The following KCTD3 variants were observed in gnomAD, a reference collection of about 807,000 sequenced individuals.
KCTD3 encodes the protein BTB/POZ domain-containing protein KCTD3.
A neutral mutation model predicts 85.8 loss-of-function variants in KCTD3; 41 were observed. The ratio of observed to expected loss-of-function variants is 0.48; its 90% CI spans 0.37 to 0.62. The LOEUF (loss-of-function observed/expected upper bound fraction) is 0.62. Ranked by LOEUF, KCTD3 falls within the 20% of genes least tolerant of loss-of-function variation. The pLI, the probability that KCTD3 is intolerant of heterozygous loss-of-function variation, is 0.00. For synonymous variants in KCTD3, 338 were observed against 345.4 expected (o/e 0.98, Z 0.24); for missense variants, 724 against 989.9 (o/e 0.73, Z 3.60).
At chr1:215,619,913 A>G (rs1655598428) in intron 17 of KCTD3, 144 bp from the exon 18 acceptor site, 7 of 521,866 alleles carry the variant, frequency 1.3e-5, no homozygotes, top group Admixed American at 3.8e-5. Context: ...AGAGTACTTG[A>G]TAAGTATATT....
intron 12 of KCTD3, 63 bp from the exon 13 acceptor site, chr1:215,604,069 C>A: frequency 7.8e-7 from 1 of 1,285,586 alleles, no homozygotes; most frequent in Non-Finnish European, 1.1e-6. Context: ...GGAAGCTTTG[C>A]GAGGGTAGCT....
At chr1:215,574,147 C>A in intron 3 of KCTD3, 29 bp downstream of exon 3, 1 of 1,414,234 alleles carries the variant, frequency 7.1e-7, no homozygotes, top group Non-Finnish European at 9.9e-7. Flanking sequence ...GATACATATT[C>A]CTAAATTAAT....
At chr1:215,602,019 A>G (rs984032269) in intron 11 of KCTD3, 65 bp downstream of exon 11, 1 of 1,406,936 alleles carries the variant, frequency 7.1e-7, no homozygotes, top group Non-Finnish European at 1.0e-6. Flanking sequence ...ACAAGAAAAC[A>G]TTACCTTTCA....
At chr1:215,614,018 GTTTTT>G (rs577770912) in intron 15 of KCTD3, among the ~76,000 whole-genome samples, 2 of 66,290 alleles carry the variant, frequency 3.0e-5, no homozygotes, top group African/African-American at 1.3e-4. Context: ...CTTTAGAATA[GTTTTT>G]TTTTTTTTTT....
intron 15 of KCTD3, 31 bp downstream of exon 15, chr1:215,611,952 C>T (rs912443373): frequency 1.5e-6 from 2 of 1,373,002 alleles, no homozygotes; most frequent in Non-Finnish European, 2.1e-6. Context: ...TATTTGTATT[C>T]AGAAGCCACC....
rs539372933 is a variant in KCTD3, at chr1:215,590,484, T to C, written c.817+3799T>C. Among the ~76,000 whole-genome samples, 4 of 152,262 alleles carry C rather than the reference T, an allele frequency of 2.6e-5. No homozygotes were observed. In the East Asian group the frequency reaches 7.7e-4, roughly 29 times the overall value. The stretch of plus-strand genomic sequence containing the variant: ...CGCTCCCTCTTCCTCCTTTTGAGCT[T>C]TCTAGATCACTTTATATTAACCTGG... On this transcript the variant is annotated intron_variant, in intron 9 of 17. Coordinates refer to ENST00000259154, the MANE Select transcript of KCTD3 (RefSeq NM_016121.5).
intron 13 of KCTD3, among the ~76,000 whole-genome samples, chr1:215,605,503 A>G (rs771475217): frequency 2.0e-5 from 3 of 152,000 alleles, no homozygotes; most frequent in Non-Finnish European, 4.4e-5. Flanking sequence ...CTTTATCTGC[A>G]CTTTCCTAGT....
At chr1:215,577,016 T>C (rs1206026660) in intron 4 of KCTD3, among the ~76,000 whole-genome samples, 1 of 152,222 alleles carries the variant, frequency 6.6e-6, no homozygotes, top group East Asian at 1.9e-4. Flanking sequence ...AGATGAATTA[T>C]TAGTATTATA....
At chr1:215,569,850 CAT>C (rs1659297646) in intron 1 of KCTD3, among the ~76,000 whole-genome samples, 1 of 151,874 alleles carries the variant, frequency 6.6e-6, no homozygotes, top group Non-Finnish European at 1.5e-5. Context: ...GTTTACAAGA[CAT>C]GAAATTGTTA....
At chr1:215,615,641 T>A (rs1173249406) in intron 15 of KCTD3, among the ~76,000 whole-genome samples, 1 of 149,672 alleles carries the variant, frequency 6.7e-6, no homozygotes, top group Non-Finnish European at 1.5e-5. Flanking sequence ...AAAAAAGAAA[T>A]CTGCATAGGG....
At chr1:215,573,913 A>AT (rs373333364) in intron 2 of KCTD3, 74 bp downstream of exon 2, 15,811 of 1,086,230 alleles carry the variant, frequency 0.015, 483 homozygotes, top group African/African-American at 0.091. Context: ...TGTCAGTTAA[A>AT]TTTTTTTTAA....
intron 3 of KCTD3, among the ~76,000 whole-genome samples, chr1:215,575,078 C>T (rs1659522678): frequency 6.6e-6 from 1 of 151,978 alleles, no homozygotes; most frequent in Non-Finnish European, 1.5e-5. Context: ...ATGGTGAAAC[C>T]CCCTCTCTAC....
At chr1:215,576,824 T>C (rs1243010956) in intron 4 of KCTD3, among the ~76,000 whole-genome samples, 2 of 152,170 alleles carry the variant, frequency 1.3e-5, no homozygotes, top group Non-Finnish European at 2.9e-5. Context: ...CGCCTTGGCC[T>C]CCCAAAGTGC....
chr1:215,614,502 T>G (rs1200542696), intron 15 of KCTD3, among the ~76,000 whole-genome samples: 1 of 152,192 alleles, frequency 6.6e-6, no homozygotes, highest in Non-Finnish European at 1.5e-5. Flanking sequence ...TCGAGCAGTG[T>G]TTTTGTAATT....
At position 215,619,220 on chromosome 1, in the gene KCTD3, C is replaced by T. The variant is rs201062587; in HGVS notation, c.1815C>T (p.Arg605=). 3 of 1,613,100 alleles carry T rather than the reference C, an allele frequency of 1.9e-6. No individual in the cohort carries two copies. The highest frequency in any genetic ancestry group is 1.7e-5 in the Admixed American group (1 of 60,008). ...ATCAATGTGATTTGAGCACATCTCG[C>T]TGTGCTACTCCTAACATCAGTCCAG... ...LLDQCDLSTS[R]CATPNISPAT... is the part of the protein sequence containing the mutation. Residue 605 remains arginine (R), a synonymous_variant, in exon 17 of 18, where the codon CGC becomes CGT. Coordinates refer to ENST00000259154, the MANE Select transcript of KCTD3 (RefSeq NM_016121.5).
Position 215,579,982 on chromosome 1 carries a change from T to A in KCTD3, c.609T>A (p.His203Gln). The stretch of plus-strand genomic sequence containing the variant: ...ACTGGATTGTAGCTGCATATGCCCA[T>A]TTTGCTGTGTGTTACAGGTAGTGTA... The part of the protein sequence containing the change: ...HHNWIVAAYA[H>Q]FAVCYRIKES... Residue 203 changes from histidine (H) to glutamine (Q), a missense_variant, in exon 8 of 18, where the codon CAT becomes CAA. By Grantham distance (24) the His-to-Gln change is conservative. Coordinates refer to ENST00000259154, the MANE Select transcript of KCTD3 (RefSeq NM_016121.5). 2 of 1,608,156 alleles carry A rather than the reference T, an allele frequency of 1.2e-6. No individual in the cohort carries two copies. Among genetic ancestry groups the A allele is most frequent in the Non-Finnish European group, 1.7e-6 (2 of 1,174,612 alleles).
chr1:215,579,013 T>C lies in KCTD3; in HGVS notation c.411T>C (p.Arg137=). ...TTCTCTTTATAGGTATTCCTAGTCGTAAAATAAACAACACAGTCAGATCTG... is the reference window on the plus strand; with the variant it reads ...TTCTCTTTATAGGTATTCCTAGTCGCAAAATAAACAACACAGTCAGATCTG... ...GYLPPPGIPS[R]KINNTVRSAD... is the part of the protein sequence containing the mutation. The change falls in exon 7 of 18, where the codon CGT becomes CGC. Residue 137 remains arginine, a synonymous_variant. Coordinates refer to ENST00000259154, the MANE Select transcript of KCTD3 (RefSeq NM_016121.5). The C allele has an allele frequency of 6.4e-7, 1 of 1,557,096 alleles. No homozygotes were observed. The highest frequency in any genetic ancestry group is 8.6e-7 in the Non-Finnish European group (1 of 1,158,138).
intron 10 of KCTD3, among the ~76,000 whole-genome samples, chr1:215,597,307 G>C (rs776917826): frequency 1.6e-4 from 24 of 151,244 alleles, no homozygotes; most frequent in Admixed American, 4.6e-4. Flanking sequence ...CACACACACA[G>C]AATTACGTTA....
At chr1:215,582,561 GT>G (rs1406946335) in intron 8 of KCTD3, among the ~76,000 whole-genome samples, 1 of 151,834 alleles carries the variant, frequency 6.6e-6, no homozygotes, top group Non-Finnish European at 1.5e-5. Context: ...TTTTTGTTTT[GT>G]TTTGTTTTTG....
Sources: allele counts gnomAD v4.1 joint callset (sites outside exome capture counted in the v4.1 genomes callset), GRCh38; gene constraint gnomAD v4.1.1; transcripts MANE v1.5; gene names NCBI Gene and HGNC (gene_info 2026-07-23, HGNC 2026-07-21).